ZNG1C: variants seen among roughly 807,000 people sequenced by gnomAD.
ZNG1C encodes Zn regulated GTPase metalloprotein activator 1C, also known as zinc-regulated GTPase metalloprotein activator 1C.
chr9:68,243,670 ATTTATTCG>A, the ZNG1C span, among the ~76,000 whole-genome samples: 2 of 76,640 alleles, frequency 2.6e-5, no homozygotes, highest in African/African-American at 1.0e-4. Flanking sequence ...CTGCCCTTTA[ATTTATTCG>A]TTGCATGTTA....
chr9:68,281,526 T>C, the ZNG1C span, among the ~76,000 whole-genome samples: 8 of 107,244 alleles, frequency 7.5e-5, no homozygotes, highest in Non-Finnish European at 1.2e-4. Context: ...TAACAATTTT[T>C]TAAGTGTACA....
the ZNG1C span, among the ~76,000 whole-genome samples, chr9:68,244,600 T>A: frequency 1.4e-5 from 2 of 139,324 alleles, no homozygotes; most frequent in Non-Finnish European, 3.1e-5. Flanking sequence ...AAAAAAAAGA[T>A]AAAGAAATGA....
At chr9:68,244,790 T>C in the ZNG1C span, among the ~76,000 whole-genome samples, 1 of 142,776 alleles carries the variant, frequency 7.0e-6, no homozygotes, top group Non-Finnish European at 1.5e-5. Flanking sequence ...TAACTGAACA[T>C]TCTGTTCATT....
chr9:68,281,057 C>T, the ZNG1C span, among the ~76,000 whole-genome samples: 5 of 133,654 alleles, frequency 3.7e-5, no homozygotes, highest in African/African-American at 5.7e-5. Flanking sequence ...TTTTTAAGCC[C>T]GTCAGAAAAG....
the ZNG1C span, chr9:68,269,163 A>G: frequency 1.6e-6 from 1 of 615,230 alleles, no homozygotes; most frequent in Non-Finnish European, 2.7e-6. Context: ...TGACTAGTAC[A>G]TTTGCCTGTC....
At chr9:68,296,101 G>GATAT in the ZNG1C span, among the ~76,000 whole-genome samples, 2 of 146,408 alleles carry the variant, frequency 1.4e-5, no homozygotes, top group East Asian at 4.0e-4. Context: ...AAGTAACTGT[G>GATAT]ATATATATAC....
At chr9:68,286,855 C>T in the ZNG1C span, among the ~76,000 whole-genome samples, 1 of 143,396 alleles carries the variant, frequency 7.0e-6, no homozygotes, top group Non-Finnish European at 1.5e-5. Context: ...TAGGATATTC[C>T]TCTTCACTTA....
At chr9:68,287,656 A>C in the ZNG1C span, among the ~76,000 whole-genome samples, 1 of 152,304 alleles carries the variant, frequency 6.6e-6, no homozygotes, top group African/African-American at 2.4e-5. Flanking sequence ...ATTAAAGCAA[A>C]TTCCAGACAT....
At chr9:68,247,435 GC>G in the ZNG1C span, among the ~76,000 whole-genome samples, 1 of 151,446 alleles carries the variant, frequency 6.6e-6, no homozygotes, top group Admixed American at 6.6e-5. Flanking sequence ...TTAAATAAAA[GC>G]TAAAATAATG....
the ZNG1C span, among the ~76,000 whole-genome samples, chr9:68,281,799 G>C: frequency 1.4e-5 from 2 of 146,564 alleles, no homozygotes; most frequent in Admixed American, 1.4e-4. Context: ...CCATGTTTTT[G>C]CATATGGCAA....
the ZNG1C span, among the ~76,000 whole-genome samples, chr9:68,291,532 A>G: frequency 2.8e-5 from 3 of 106,464 alleles, no homozygotes; most frequent in Non-Finnish European, 6.0e-5. Context: ...ATTTTTTTTA[A>G]GGATACATAA....
At chr9:68,287,944 ATTTAGTAAG>A in the ZNG1C span, among the ~76,000 whole-genome samples, 5 of 118,136 alleles carry the variant, frequency 4.2e-5, no homozygotes, top group South Asian at 1.3e-3. Flanking sequence ...ATAGAAATTT[ATTTAGTAAG>A]TTTTACTTGA....
the ZNG1C span, among the ~76,000 whole-genome samples, chr9:68,256,137 G>C: frequency 1.4e-4 from 21 of 152,336 alleles, no homozygotes; most frequent in Non-Finnish European, 2.9e-4. Context: ...ACGTTGGAAT[G>C]AGTTTGATTA....
chr9:68,255,971 G>A, the ZNG1C span, among the ~76,000 whole-genome samples: 1 of 151,922 alleles, frequency 6.6e-6, no homozygotes, highest in African/African-American at 2.4e-5. Context: ...ACGTTTTTGG[G>A]AAAAAAATCA....
chr9:68,247,117 C>A, the ZNG1C span, among the ~76,000 whole-genome samples: 7 of 152,204 alleles, frequency 4.6e-5, no homozygotes, highest in Non-Finnish European at 4.4e-5. Context: ...TAAATGAGCA[C>A]ATGGTACACT....
the ZNG1C span, among the ~76,000 whole-genome samples, chr9:68,288,375 G>A: frequency 6.6e-6 from 1 of 152,190 alleles, no homozygotes; most frequent in Admixed American, 6.5e-5. Flanking sequence ...TTGTTTGTTT[G>A]TTTTGGTTTT....
At chr9:68,288,647 ATTTTTTTTTTTTTT>A in the ZNG1C span, among the ~76,000 whole-genome samples, 3 of 56,966 alleles carry the variant, frequency 5.3e-5, no homozygotes, top group African/African-American at 2.7e-4. Flanking sequence ...TAATTTTTGT[ATTTTTTTTTTTTTT>A]TTTTTTTTTT....
chr9:68,281,153 C>G, the ZNG1C span, among the ~76,000 whole-genome samples: 6 of 151,042 alleles, frequency 4.0e-5, no homozygotes, highest in Admixed American at 6.6e-5. Flanking sequence ...TCCCTGACCC[C>G]CTGTGCTTCC....
the ZNG1C span, among the ~76,000 whole-genome samples, chr9:68,244,441 C>T: frequency 3.3e-5 from 2 of 60,968 alleles, no homozygotes; most frequent in African/African-American, 1.4e-4. Flanking sequence ...GATATTAATA[C>T]CCTAATACTC....
Sources: allele counts gnomAD v4.1 joint callset (sites outside exome capture counted in the v4.1 genomes callset), GRCh38; gene constraint gnomAD v4.1.1; transcripts MANE v1.5; gene names NCBI Gene and HGNC (gene_info 2026-07-23, HGNC 2026-07-21).